The following SLC2A11 variants were observed in gnomAD, a reference collection of about 807,000 sequenced individuals.
SLC2A11 encodes the protein solute carrier family 2, facilitated glucose transporter member 11.
A neutral mutation model predicts 52.1 loss-of-function variants in SLC2A11; 43 were observed. The observed-to-expected ratio is 0.82, with a 90% CI of 0.65 to 1.06. The LOEUF (loss-of-function observed/expected upper bound fraction) is 1.06, where lower values mean the gene tolerates loss of function less well. Ranked by LOEUF, SLC2A11 falls within the 50% of genes least tolerant of loss-of-function variation. The pLI is 0.00. For synonymous variants in SLC2A11, 261 were observed against 277.6 expected, an observed-to-expected ratio of 0.94 and a Z score of 0.59; for missense variants, 582 against 654.2, an observed-to-expected ratio of 0.89 and a Z score of 1.20.
Position 23,885,176 on chromosome 22 carries a change from A to T in SLC2A11, c.*327A>T, listed in dbSNP as rs2032962038. On this transcript the variant is annotated 3_prime_UTR_variant, in exon 12 of 12. Coordinates refer to ENST00000316185, the MANE Select transcript of SLC2A11 (RefSeq NM_001024939.4). ...AAACCAGCCTAGGTAACATAGTGAG[A>T]CCCCCTATCTCTACAAAAAATTTTA... 2.2e-6 allele frequency: 1 copy of T among 454,936 alleles called. No homozygotes were observed. The highest frequency in any genetic ancestry group is 3.8e-6 in the Non-Finnish European group (1 of 260,478). The allele number at this position is 454,936 out of a possible 1,614,324, so 28.2% of individuals were successfully genotyped here. A position where few individuals can be genotyped will look rare whatever the true frequency, so the allele number is the denominator to read the frequency against.
At chr22:23,877,538 C>T (rs1034069465) in intron 5 of SLC2A11, 183 bp from the exon 6 acceptor site, 4 of 847,380 alleles carry the variant, frequency 4.7e-6, no homozygotes, top group Admixed American at 4.0e-5. Flanking sequence ...GGGCAGTGGC[C>T]CTGTCCTCTC....
intron 1 of SLC2A11, among the ~76,000 whole-genome samples, chr22:23,859,505 T>G (rs1220616529): frequency 1.4e-5 from 2 of 141,520 alleles, no homozygotes; most frequent in African/African-American, 2.6e-5. Flanking sequence ...TTTTTTTTTT[T>G]GAGATGGAGT....
chr22:23,870,024 C>T lies in SLC2A11; in HGVS notation c.290+1383C>T, dbSNP rs754017151. The T allele has an allele frequency of 6.3e-5, 45 of 717,542 alleles. No homozygotes were observed. The Middle Eastern group carries it at 6.9e-4, about 11-fold the overall frequency. The allele number at this position is 717,542 out of a possible 1,614,324, so 44.4% of individuals were successfully genotyped here. ...CTCCCAAAGGCCCACCTCTAAATAC[C>T]GTTGCATTGGAAATTAAATTTCAAC... On this transcript the variant is annotated intron_variant, in intron 3 of 11. Coordinates refer to ENST00000316185, the MANE Select transcript of SLC2A11 (RefSeq NM_001024939.4).
chr22:23,857,952 CG>C lies in SLC2A11; in HGVS notation c.-44del. ...CGGCTCACCGCTTGCTAATGGCAGC[CG>C]GGGTCTCCCTGGGACAGCAAGACCT... On this transcript the variant is annotated 5_prime_UTR_variant, in exon 1 of 12. Transcript: ENST00000316185. 6.3e-7 allele frequency: 1 copy of C among 1,592,052 alleles called. No individual in the cohort carries two copies. Among genetic ancestry groups the C allele is most frequent in the Non-Finnish European group, 8.5e-7 (1 of 1,171,036 alleles).
chr22:23,880,924 G>A (rs926037440), intron 6 of SLC2A11: 3 of 152,102 alleles, frequency 2.0e-5, no homozygotes, highest in Non-Finnish European at 4.4e-5. Context: ...AAGTCCATAA[G>A]TTCACTGAGC....
At chr22:23,863,692 C>G (rs922456441) in intron 2 of SLC2A11, among the ~76,000 whole-genome samples, 1 of 142,774 alleles carries the variant, frequency 7.0e-6, no homozygotes, top group African/African-American at 2.6e-5. Context: ...TTTCGGTTCA[C>G]TGCAACCTCC....
Position 23,883,834 on chromosome 22 carries a change from C to T in SLC2A11, c.1056C>T (p.Thr352=). 1 of 1,587,876 alleles carries T rather than the reference C, an allele frequency of 6.3e-7. No individual in the cohort carries two copies. Among genetic ancestry groups the T allele is most frequent in the South Asian group, 1.1e-5 (1 of 87,582 alleles). Residue 352 remains threonine, a synonymous_variant, in exon 9 of 12, where the codon ACC becomes ACT. Coordinates refer to ENST00000316185, the MANE Select transcript of SLC2A11 (RefSeq NM_001024939.4). ...TCATCGGTGGGTACAGCCTGATGAC[C>T]TGCTGGGGGAGCATCTTCACTGTGG... ...VLLIGGYSLM[T]CWGSIFTVAL...
chr22:23,883,877 G>T lies in SLC2A11; in HGVS notation c.1095+4G>T, dbSNP rs1277846886. 1 of 1,603,550 alleles carries T rather than the reference G, an allele frequency of 6.2e-7. No individual in the cohort carries two copies. Among genetic ancestry groups the T allele is most frequent in the East Asian group, 2.2e-5 (1 of 44,644 alleles). Reference sequence around the variant, plus strand: ...CACTGTGGCCCTGTGCCTGCAGGTAGCTGGGGTGGATGAGGGCTGGGGGGT... The same window carrying T: ...CACTGTGGCCCTGTGCCTGCAGGTATCTGGGGTGGATGAGGGCTGGGGGGT... On this transcript the variant is annotated splice_donor_region_variant and intron_variant, in intron 9 of 11. Transcript: ENST00000316185.
At chr22:23,875,562 G>T (rs1039464112) in intron 4 of SLC2A11, among the ~76,000 whole-genome samples, 2 of 152,102 alleles carry the variant, frequency 1.3e-5, no homozygotes, top group African/African-American at 2.4e-5. Context: ...ACGTGTAAAG[G>T]GATATAGGAT....
Position 23,886,269 on chromosome 22 carries a change from C to T in SLC2A11, c.*1420C>T, listed in dbSNP as rs950637246. 1.3e-5 allele frequency: 2 copies of T among 152,202 alleles called. No individual in the cohort carries two copies. The highest frequency in any genetic ancestry group is 4.8e-5 in the African/African-American group (2 of 41,440). The allele number at this position is 152,202 out of a possible 1,614,324, so 9.4% of individuals were successfully genotyped here. A position where few individuals can be genotyped will look rare whatever the true frequency, so the allele number is the denominator to read the frequency against. Reference sequence around the variant, plus strand: ...GTGAACATTTTGGCTGTTTCTAATTCTTGGCCATCATGAATAAAACTGCTG... The same window carrying T: ...GTGAACATTTTGGCTGTTTCTAATTTTTGGCCATCATGAATAAAACTGCTG... On this transcript the variant is annotated 3_prime_UTR_variant, in exon 12 of 12. Transcript: ENST00000316185.
chr22:23,862,045 G>C, intron 1 of SLC2A11, 59 bp from the exon 2 acceptor site: 1 of 1,405,764 alleles, frequency 7.1e-7, no homozygotes, highest in Non-Finnish European at 1.0e-6. Flanking sequence ...GGCAGCTCTG[G>C]TCCAGGGAGG....
At chr22:23,877,562 G>C (rs1337775099) in intron 5 of SLC2A11, 159 bp from the exon 6 acceptor site, 1 of 995,752 alleles carries the variant, frequency 1.0e-6, no homozygotes, top group South Asian at 1.4e-5. Flanking sequence ...GTCCCAACCT[G>C]GGTGGGAGGG....
chr22:23,870,397 G>T, intron 3 of SLC2A11: 1 of 251,158 alleles, frequency 4.0e-6, no homozygotes, highest in Non-Finnish European at 7.6e-6. Flanking sequence ...GCCATTGTTG[G>T]GTGCTCAGGG....
In SLC2A11 at chr22:23,884,567, G is replaced by T. The variant is rs1198869462; in HGVS notation, c.1300-82G>T. On this transcript the variant is annotated intron_variant, in intron 11 of 11. Transcript: ENST00000316185. This position sits in a 1 kb window ranked among gnomAD's most constrained non-coding sequence, Gnocchi z 4.3. Reference sequence around the variant, plus strand: ...TAGGGGAGCAAAGAGGGGGGCAAATGCCTCCTCACGACCTGTCATGGGCCT... The same window carrying T: ...TAGGGGAGCAAAGAGGGGGGCAAATTCCTCCTCACGACCTGTCATGGGCCT... 1.9e-6 allele frequency: 3 copies of T among 1,539,624 alleles called. No homozygotes were observed. Among genetic ancestry groups the T allele is most frequent in the Non-Finnish European group, 2.6e-6 (3 of 1,138,994 alleles).
chr22:23,865,196 C>A (rs2032217313), intron 2 of SLC2A11: 2 of 151,736 alleles, frequency 1.3e-5, no homozygotes, highest in Admixed American at 6.6e-5. Context: ...GCAGGTGGAT[C>A]CCCTGAGGTC....
intron 2 of SLC2A11, among the ~76,000 whole-genome samples, chr22:23,862,913 G>A (rs1318237451): frequency 6.6e-6 from 1 of 152,134 alleles, no homozygotes; most frequent in Non-Finnish European, 1.5e-5. Context: ...ATGAGACACC[G>A]TGCCCGGTCT....
rs752740365 is a variant in SLC2A11, at chr22:23,868,601, G to A, written c.250G>A (p.Gly84Arg). 7.4e-6 allele frequency: 12 copies of A among 1,614,044 alleles called. No homozygotes were observed. The highest frequency in any genetic ancestry group is 8.5e-7 in the Non-Finnish European group (1 of 1,180,036). Residue 84 changes from glycine to arginine, a missense_variant, in exon 3 of 12, where the codon GGA becomes AGA. Coordinates refer to ENST00000316185, the MANE Select transcript of SLC2A11 (RefSeq NM_001024939.4). The stretch of plus-strand genomic sequence containing the variant: ...TCTGTATCCCCTGGGAGGCCTCTTT[G>A]GAGCACTGCTTGCAGGTCCCTTGGC... ...VSLYPLGGLFGALLAGPLAIT... is the reference protein window; with the variant it reads ...VSLYPLGGLFRALLAGPLAIT...
At chr22:23,876,894 G>A in intron 4 of SLC2A11, 148 bp from the exon 5 acceptor site, 2 of 1,264,904 alleles carry the variant, frequency 1.6e-6, no homozygotes, top group Middle Eastern at 2.6e-4. Context: ...CAGAACCCCT[G>A]AGTGTGGGGG....
Position 23,875,111 on chromosome 22 carries a change from C to G in SLC2A11, c.291-6C>G, listed in dbSNP as rs1392156666. 1 of 1,569,588 alleles carries G rather than the reference C, an allele frequency of 6.4e-7. No individual in the cohort carries two copies. Among genetic ancestry groups the G allele is most frequent in the Admixed American group, 1.9e-5 (1 of 52,336 alleles). ...CTCTCTTTCTGTGTGTTTCACTTCC[C>G]CCAAGGAAGAAGTCCCTCCTGGTGA... is the stretch of plus-strand genomic sequence containing the variant. On this transcript the variant is annotated splice_region_variant and splice_polypyrimidine_tract_variant and intron_variant, in intron 3 of 11. Coordinates refer to ENST00000316185, the MANE Select transcript of SLC2A11 (RefSeq NM_001024939.4).
Sources: gnomAD v4.1 joint callset for allele counts (sites outside exome capture counted in the v4.1 genomes callset) on GRCh38, gnomAD v4.1.1 for gene constraint, Gnocchi (gnomAD v3.1) non-coding constraint, MANE v1.5 for transcripts, NCBI Gene and HGNC (gene_info 2026-07-23, HGNC 2026-07-21) for gene names.